The following ABTB3 variants were observed in gnomAD, a reference collection of about 807,000 sequenced individuals.
ABTB3 encodes the protein ankyrin repeat and BTB domain containing 3, also known as ankyrin repeat- and BTB/POZ domain-containing protein 3.
chr12:107,504,921 T>C, the ABTB3 span, among the ~76,000 whole-genome samples: 6 of 152,212 alleles, frequency 3.9e-5, no homozygotes, highest in Non-Finnish European at 7.3e-5. Flanking sequence ...TCACTTGCTA[T>C]TAACACCTTT....
the ABTB3 span, among the ~76,000 whole-genome samples, chr12:107,526,839 C>A: frequency 6.6e-6 from 1 of 152,144 alleles, no homozygotes; most frequent in South Asian, 2.1e-4. Flanking sequence ...TTTGCTTGGA[C>A]AAAGTTGTCT....
At chr12:107,642,110 G>A in the ABTB3 span, 1 of 1,613,978 alleles carries the variant, frequency 6.2e-7, no homozygotes, top group Admixed American at 1.7e-5. Context: ...CTCCTCTCCA[G>A]CAAGCCGACA....
the ABTB3 span, among the ~76,000 whole-genome samples, chr12:107,547,555 G>T: frequency 6.6e-6 from 1 of 152,204 alleles, no homozygotes; most frequent in East Asian, 1.9e-4. Context: ...AAGAGAACAT[G>T]TCCCAGAATT....
At chr12:107,503,756 C>CAAAAAA in the ABTB3 span, among the ~76,000 whole-genome samples, 14 of 70,716 alleles carry the variant, frequency 2.0e-4, no homozygotes, top group African/African-American at 4.1e-4. Flanking sequence ...GACCCTATCT[C>CAAAAAA]AAAAAAAAAA....
the ABTB3 span, among the ~76,000 whole-genome samples, chr12:107,537,820 C>G: frequency 6.6e-6 from 1 of 152,150 alleles, no homozygotes; most frequent in Non-Finnish European, 1.5e-5. Context: ...AAGTTCGTCC[C>G]GCAGTTTTTC....
At chr12:107,632,428 C>T in the ABTB3 span, among the ~76,000 whole-genome samples, 1 of 152,288 alleles carries the variant, frequency 6.6e-6, no homozygotes, top group Middle Eastern at 3.4e-3. Context: ...ACAGTCTGTA[C>T]AAAGCATTTT....
chr12:107,431,238 A>G, the ABTB3 span, among the ~76,000 whole-genome samples: 1 of 152,232 alleles, frequency 6.6e-6, no homozygotes, highest in African/African-American at 2.4e-5. Flanking sequence ...AAATGAAAAC[A>G]CTAATTCCAT....
At chr12:107,431,087 A>T in the ABTB3 span, among the ~76,000 whole-genome samples, 1 of 152,276 alleles carries the variant, frequency 6.6e-6, no homozygotes, top group Non-Finnish European at 1.5e-5. Context: ...TAGTAAATGC[A>T]TCAGGGTCTT....
chr12:107,329,651 C>T, the ABTB3 span, among the ~76,000 whole-genome samples: 2 of 152,184 alleles, frequency 1.3e-5, no homozygotes, highest in Non-Finnish European at 2.9e-5. Context: ...GGCAAGTTAC[C>T]TAACCTCTCT....
chr12:107,564,088 C>CTGTGTGTGTGTG, the ABTB3 span, among the ~76,000 whole-genome samples: 5 of 138,060 alleles, frequency 3.6e-5, no homozygotes, highest in South Asian at 2.4e-4. Flanking sequence ...CTATCTATCT[C>CTGTGTGTGTGTG]TCTGTGTGTG....
the ABTB3 span, among the ~76,000 whole-genome samples, chr12:107,424,389 T>C: frequency 6.6e-6 from 1 of 152,228 alleles, no homozygotes. Context: ...CTGTGGTCCA[T>C]TCAGGCCCAT....
At chr12:107,594,153 A>G in the ABTB3 span, among the ~76,000 whole-genome samples, 41 of 152,340 alleles carry the variant, frequency 2.7e-4, no homozygotes, top group Admixed American at 2.2e-3. Flanking sequence ...CTCTTTGAAC[A>G]TAAGCCATGA....
chr12:107,457,839 A>C, the ABTB3 span, among the ~76,000 whole-genome samples: 1 of 152,228 alleles, frequency 6.6e-6, no homozygotes, highest in Non-Finnish European at 1.5e-5. Context: ...GGAGGCAATC[A>C]GGACATTACA....
the ABTB3 span, among the ~76,000 whole-genome samples, chr12:107,456,626 A>G: frequency 6.6e-6 from 1 of 152,148 alleles, no homozygotes; most frequent in Non-Finnish European, 1.5e-5. Context: ...AATAATAGAA[A>G]TAAAATATGC....
chr12:107,532,776 A>T, the ABTB3 span, among the ~76,000 whole-genome samples: 3 of 152,204 alleles, frequency 2.0e-5, 1 homozygote, highest in South Asian at 4.1e-4. Flanking sequence ...GCAAGAGAAA[A>T]GCATCCAGCT....
chr12:107,640,615 G>GC, the ABTB3 span, among the ~76,000 whole-genome samples: 2 of 152,094 alleles, frequency 1.3e-5, no homozygotes, highest in South Asian at 4.2e-4. Flanking sequence ...AAAGGGGCCA[G>GC]GGGGGCCGAG....
chr12:107,455,345 A>G, the ABTB3 span, among the ~76,000 whole-genome samples: 1 of 152,012 alleles, frequency 6.6e-6, no homozygotes, highest in South Asian at 2.1e-4. Context: ...GTTCTTTCAT[A>G]TCTCTGTGCT....
At chr12:107,352,089 C>T in the ABTB3 span, among the ~76,000 whole-genome samples, 2 of 152,162 alleles carry the variant, frequency 1.3e-5, no homozygotes, top group Non-Finnish European at 2.9e-5. Context: ...CAGTTCTGCC[C>T]TTTCAGAGCT....
chr12:107,609,987 CACAGGAGACTAGACAGATTCACA>C, the ABTB3 span: 1 of 609,436 alleles, frequency 1.6e-6, no homozygotes, highest in African/African-American at 1.9e-5. Flanking sequence ...TATGGGAGCA[CACAGGAGACTAGACAGATTCACA>C]GCAGTCATAA....
Sources: allele counts gnomAD v4.1 joint callset (sites outside exome capture counted in the v4.1 genomes callset), GRCh38; gene constraint gnomAD v4.1.1; transcripts MANE v1.5; gene names NCBI Gene and HGNC (gene_info 2026-07-23, HGNC 2026-07-21).